MTHFD1L: variants seen among roughly 807,000 people sequenced by gnomAD.
The protein encoded by MTHFD1L is methylenetetrahydrofolate dehydrogenase (NADP+ dependent) 1 like.
In MTHFD1L, 81 loss-of-function variants were observed where a neutral mutation model predicts 119.5. The observed-to-expected ratio is 0.68, with a 90% CI of 0.57 to 0.82. The LOEUF (loss-of-function observed/expected upper bound fraction) is 0.82. Among genes scored for constraint, MTHFD1L ranks in the 40% least tolerant of loss-of-function variants. The pLI, the probability that MTHFD1L is intolerant of heterozygous loss-of-function variation, is 0.00. For synonymous variants in MTHFD1L, 430 were observed against 475.2 expected, an observed-to-expected ratio of 0.90 and a Z score of 1.24; for missense variants, 1,125 against 1,253.4, an observed-to-expected ratio of 0.90 and a Z score of 1.55.
In MTHFD1L at chr6:150,977,417, C is replaced by T. The variant is rs115039413; in HGVS notation, c.2125+5359C>T. Among the ~76,000 whole-genome samples the T allele has an allele frequency of 4.3e-3, 660 of 152,250 alleles. 5 individuals are homozygous for T. Among genetic ancestry groups the T allele is most frequent in the African/African-American group, 0.015 (630 of 41,560 alleles). The stretch of plus-strand genomic sequence containing the variant: ...TGCAAAACACTTTATGAGAATTTTT[C>T]AAAAACTGCTGTGATCACTGTTGTG... On this transcript the variant is annotated intron_variant, in intron 20 of 27. Transcript: ENST00000367321.
intron 26 of MTHFD1L, chr6:151,056,125 A>G (rs2128590499): frequency 6.6e-6 from 1 of 152,316 alleles, no homozygotes; most frequent in East Asian, 1.9e-4. Context: ...GAACTCTCCT[A>G]AACCAGATAC....
intron 20 of MTHFD1L, among the ~76,000 whole-genome samples, chr6:150,992,678 A>G (rs1779208866): frequency 1.3e-5 from 2 of 152,186 alleles, no homozygotes; most frequent in African/African-American, 4.8e-5. Flanking sequence ...CTGGATGTCA[A>G]TGGCCATGTT....
chr6:150,925,254 C>A (rs115039400), intron 10 of MTHFD1L, among the ~76,000 whole-genome samples: 7 of 152,272 alleles, frequency 4.6e-5, no homozygotes, highest in South Asian at 2.1e-4. Flanking sequence ...AGTCCCCCGC[C>A]GCGTGGTCTC....
intron 20 of MTHFD1L, among the ~76,000 whole-genome samples, chr6:151,004,172 G>A (rs192645263): frequency 6.8e-4 from 104 of 151,968 alleles, no homozygotes; most frequent in Non-Finnish European, 1.3e-3. Flanking sequence ...GTGAAATCCT[G>A]TCTCTACTAA....
In MTHFD1L at chr6:150,994,084, A is replaced by G. The variant is rs1562508779; in HGVS notation, c.2126-15735A>G. Among the ~76,000 whole-genome samples the G allele has an allele frequency of 4.5e-3, 663 of 146,654 alleles. 22 individuals carry two copies. Among genetic ancestry groups the G allele is most frequent in the African/African-American group, 0.017 (639 of 37,428 alleles). On this transcript the variant is annotated intron_variant, in intron 20 of 27. Coordinates refer to ENST00000367321, the MANE Select transcript of MTHFD1L (RefSeq NM_015440.5). ...AACAGTAAAAAAAAAAAAAAAAGAAAGAAAGAAAGAAAGTGACCCAGCACT... is the reference window on the plus strand; with the variant it reads ...AACAGTAAAAAAAAAAAAAAAAGAAGGAAAGAAAGAAAGTGACCCAGCACT...
intron 26 of MTHFD1L, among the ~76,000 whole-genome samples, chr6:151,053,905 G>A (rs1789479939): frequency 6.6e-6 from 1 of 151,578 alleles, no homozygotes; most frequent in Non-Finnish European, 1.5e-5. Flanking sequence ...TAGCTGTACA[G>A]TTTTTTATTA....
At chr6:151,008,914 T>C (rs1781784853) in intron 20 of MTHFD1L, among the ~76,000 whole-genome samples, 1 of 151,232 alleles carries the variant, frequency 6.6e-6, no homozygotes. Flanking sequence ...ATCAGGACTT[T>C]GAGACCAGCC....
At chr6:150,875,174 G>A (rs1430282737) in intron 1 of MTHFD1L, among the ~76,000 whole-genome samples, 1 of 151,878 alleles carries the variant, frequency 6.6e-6, no homozygotes, top group Non-Finnish European at 1.5e-5. Flanking sequence ...TCCAGCTTCA[G>A]CCTCCCAAGT....
chr6:150,866,400 T>C (rs1378873611), intron 1 of MTHFD1L: 6 of 1,364,566 alleles, frequency 4.4e-6, no homozygotes, highest in Non-Finnish European at 5.6e-6. Flanking sequence ...AAAGGGGCGG[T>C]GCGGCTGGGG....
At chr6:151,044,108 G>A (rs73620688) in intron 26 of MTHFD1L, among the ~76,000 whole-genome samples, 1 of 151,992 alleles carries the variant, frequency 6.6e-6, no homozygotes, top group South Asian at 2.1e-4. Context: ...GGAGAAAGAC[G>A]ACTGGTGCTT....
chr6:150,924,447 C>A (rs986101768), intron 10 of MTHFD1L, among the ~76,000 whole-genome samples: 11 of 151,686 alleles, frequency 7.3e-5, no homozygotes, highest in Non-Finnish European at 1.5e-5. Flanking sequence ...GCTGGGCTTA[C>A]AGGCATGAGC....
At chr6:151,011,463 A>C (rs371732952) in intron 21 of MTHFD1L, among the ~76,000 whole-genome samples, 2 of 151,654 alleles carry the variant, frequency 1.3e-5, no homozygotes, top group South Asian at 4.1e-4. Flanking sequence ...GCACAGGGAG[A>C]CGCAGTGACT....
intron 8 of MTHFD1L, among the ~76,000 whole-genome samples, chr6:150,906,405 A>G (rs1785912108): frequency 6.6e-6 from 1 of 152,242 alleles, no homozygotes; most frequent in Non-Finnish European, 1.5e-5. Context: ...GGCAGCCAGC[A>G]GCCCCGGGTC....
At chr6:150,893,543 T>C (rs908045826) in intron 7 of MTHFD1L, among the ~76,000 whole-genome samples, 9 of 152,340 alleles carry the variant, frequency 5.9e-5, no homozygotes, top group Non-Finnish European at 4.4e-5. Flanking sequence ...ATTTCTGTTG[T>C]GCTTATTTGT....
At chr6:150,969,671 A>T (rs1179143752) in intron 19 of MTHFD1L, among the ~76,000 whole-genome samples, 1 of 152,218 alleles carries the variant, frequency 6.6e-6, no homozygotes. Flanking sequence ...AAGTCGGAAA[A>T]CAGAGAAATC....
chr6:150,920,212 A>T (rs993880915), intron 9 of MTHFD1L, among the ~76,000 whole-genome samples: 3 of 152,236 alleles, frequency 2.0e-5, no homozygotes, highest in Admixed American at 6.5e-5. Context: ...TAGATCACTA[A>T]GTCCAGTTCA....
At position 151,032,263 on chromosome 6, in the gene MTHFD1L, A is replaced by T. The variant is rs573631400; in HGVS notation, c.2587-2230A>T. On this transcript the variant is annotated intron_variant, in intron 24 of 27. Transcript: ENST00000367321. ...TCATGGTTCTGAAGGCTGTGCAAGCATGGCACCAACATCTGCTGGGCTTCT... is the reference window on the plus strand; with the variant it reads ...TCATGGTTCTGAAGGCTGTGCAAGCTTGGCACCAACATCTGCTGGGCTTCT... 2.0e-5 allele frequency among the ~76,000 whole-genome samples: 3 copies of T among 152,214 alleles called. No individual in the cohort carries two copies. The South Asian group carries it at 6.2e-4, about 31-fold the overall frequency.
chr6:151,015,184 T>C (rs965740118), intron 23 of MTHFD1L, among the ~76,000 whole-genome samples: 2 of 151,256 alleles, frequency 1.3e-5, no homozygotes, highest in African/African-American at 4.9e-5. Flanking sequence ...AATTTATATA[T>C]AGTGAGTTAC....
At chr6:150,930,631 C>T (rs1373565539) in intron 11 of MTHFD1L, among the ~76,000 whole-genome samples, 5 of 151,926 alleles carry the variant, frequency 3.3e-5, no homozygotes, top group Non-Finnish European at 7.4e-5. Context: ...TTTCTCTGAA[C>T]ACTGTAACAT....
Sources: gnomAD v4.1 joint callset for allele counts (sites outside exome capture counted in the v4.1 genomes callset) on GRCh38, gnomAD v4.1.1 for gene constraint, MANE v1.5 for transcripts, NCBI Gene and HGNC (gene_info 2026-07-23, HGNC 2026-07-21) for gene names.